PTH1R: variants seen among roughly 807,000 people sequenced by gnomAD.
PTH1R encodes parathyroid hormone 1 receptor.
Under a neutral mutation model 70.7 loss-of-function variants are expected in PTH1R, and 32 were observed. The ratio of observed to expected loss-of-function variants is 0.45; its 90% confidence interval spans 0.34 to 0.61. PTH1R has a LOEUF of 0.61. Ranked by LOEUF, PTH1R falls within the 20% of genes least tolerant of loss-of-function variation. The probability of loss-of-function intolerance (pLI) is 0.01; values close to 1 mark genes in which losing one functional copy is unlikely to be tolerated. For synonymous variants in PTH1R, 329 were observed against 324.8 expected (o/e 1.01, Z -0.14); for missense variants, 626 against 792.5 (o/e 0.79, Z 2.52).
chr3:46,892,129 A>T lies in PTH1R; in HGVS notation c.76-1778A>T, dbSNP rs2031448300. Among the ~76,000 whole-genome samples, 5 of 152,238 alleles carry T rather than the reference A, an allele frequency of 3.3e-5. No homozygotes were observed. Among genetic ancestry groups the T allele is most frequent in the Non-Finnish European group, 7.4e-5 (5 of 68,012 alleles). On this transcript the variant is annotated intron_variant, in intron 3 of 15. Transcript: ENST00000449590. The surrounding 1 kb of genome is among the most constrained non-coding windows in gnomAD (Gnocchi z 5.2). ...CCAGCTCAGCCATAGCTGGGGAAGC[A>T]AAGAGACTAGGATAGAGGAGCTTAG...
chr3:46,895,082 AAC>A lies in PTH1R; in HGVS notation c.179-651_179-650del, dbSNP rs1362808057. On this transcript the variant is annotated intron_variant, in intron 4 of 15. Coordinates refer to ENST00000449590, the MANE Select transcript of PTH1R (RefSeq NM_000316.3). ...TTGTCTCAAAAAAAAAAACAAAAAAAACAAACAAACAAAAAAAAAAAACGTCC... is the reference window on the plus strand; with the variant it reads ...TTGTCTCAAAAAAAAAAACAAAAAAAAAACAAACAAAAAAAAAAAACGTCC... Among the ~76,000 whole-genome samples the A allele has an allele frequency of 2.8e-5, 3 of 107,188 alleles. 1 individual carries two copies. Among genetic ancestry groups the A allele is most frequent in the Non-Finnish European group, 4.7e-5 (2 of 42,482 alleles). 70.3% of individuals were successfully genotyped at this position (107,188 alleles called of 152,430 possible). A position where few individuals can be genotyped will look rare whatever the true frequency, so the allele number is the denominator to read the frequency against.
At position 46,883,246 on chromosome 3, in the gene PTH1R, C is replaced by A; in HGVS notation, c.-48-266C>A. 4.1e-6 allele frequency: 1 copy of A among 246,112 alleles called. No homozygotes were observed. The highest frequency in any genetic ancestry group is 7.7e-6 in the Non-Finnish European group (1 of 129,608). The allele number at this position is 246,112 out of a possible 1,614,324, so 15.2% of individuals were successfully genotyped here. ...GGGCCCGGCCATATGGATGTGATTT[C>A]TTCGCTCCGAGGCAGACGGGCCGCT... On this transcript the variant is annotated intron_variant, in intron 2 of 15. Coordinates refer to ENST00000449590, the MANE Select transcript of PTH1R (RefSeq NM_000316.3). This position sits in a 1 kb window ranked among gnomAD's most constrained non-coding sequence, Gnocchi z 6.4.
At position 46,899,471 on chromosome 3, in the gene PTH1R, C is replaced by A; in HGVS notation, c.988+15C>A. On this transcript the variant is annotated intron_variant, in intron 10 of 15. Coordinates refer to ENST00000449590, the MANE Select transcript of PTH1R (RefSeq NM_000316.3). Reference sequence around the variant, plus strand: ...CTTCGGCTGGGGTACGCGGGCACAGCGGGTAGCGAGGTGCCGGCAGGGGTG... The same window carrying A: ...CTTCGGCTGGGGTACGCGGGCACAGAGGGTAGCGAGGTGCCGGCAGGGGTG... The A allele has an allele frequency of 6.2e-7, 1 of 1,606,538 alleles. No homozygotes were observed. Among genetic ancestry groups the A allele is most frequent in the Non-Finnish European group, 8.5e-7 (1 of 1,176,118 alleles).
intron 10 of PTH1R, 131 bp downstream of exon 10, chr3:46,899,587 G>T: frequency 8.2e-7 from 1 of 1,221,606 alleles, no homozygotes; most frequent in Non-Finnish European, 1.1e-6. Flanking sequence ...AGAGAGGCCT[G>T]CCGCCCTTCT....
intron 4 of PTH1R, among the ~76,000 whole-genome samples, chr3:46,895,106 G>A (rs1247084756): frequency 4.8e-5 from 6 of 125,418 alleles, no homozygotes; most frequent in Admixed American, 1.7e-4. Context: ...AAAAAAAAAC[G>A]TCCAGCATCT....
At position 46,892,600 on chromosome 3, in the gene PTH1R, C is replaced by T; in HGVS notation, c.76-1307C>T. On this transcript the variant is annotated intron_variant, in intron 3 of 15. Coordinates refer to ENST00000449590, the MANE Select transcript of PTH1R (RefSeq NM_000316.3). The surrounding 1 kb of genome is among the most constrained non-coding windows in gnomAD (Gnocchi z 5.2). Reference sequence around the variant, plus strand: ...CGCTGCTGCCGCCAAGAGACGCGGTCAATTAACTTCTCCCTGCAGCCAGGC... The same window carrying T: ...CGCTGCTGCCGCCAAGAGACGCGGTTAATTAACTTCTCCCTGCAGCCAGGC... 3.1e-6 allele frequency: 1 copy of T among 321,454 alleles called. No homozygotes were observed. The highest frequency in any genetic ancestry group is 4.5e-6 in the Non-Finnish European group (1 of 220,778). The allele number at this position is 321,454 out of a possible 1,614,324, so 19.9% of individuals were successfully genotyped here. A position where few individuals can be genotyped will look rare whatever the true frequency, so the allele number is the denominator to read the frequency against.
chr3:46,889,032 G>A (rs2031222146), intron 3 of PTH1R, among the ~76,000 whole-genome samples: 1 of 152,244 alleles, frequency 6.6e-6, no homozygotes, highest in Non-Finnish European at 1.5e-5. Flanking sequence ...CGGACAGAGA[G>A]AGGGCAGCAG....
In PTH1R at chr3:46,884,790, C is replaced by A. The variant is rs948526652; in HGVS notation, c.75+1156C>A. 1.3e-5 allele frequency among the ~76,000 whole-genome samples: 2 copies of A among 152,202 alleles called. No individual in the cohort carries two copies. The highest frequency in any genetic ancestry group is 6.5e-5 in the Admixed American group (1 of 15,292). On this transcript the variant is annotated intron_variant, in intron 3 of 15. Transcript: ENST00000449590. This position sits in a 1 kb window ranked among gnomAD's most constrained non-coding sequence, Gnocchi z 4.8. The stretch of plus-strand genomic sequence containing the variant: ...GATGCCTGTGTAAGCCTGGGCTGTC[C>A]TTCTCCGTGCCTCAGTTGCCCCATC...
In PTH1R at chr3:46,899,464, G is replaced by A. The variant is rs373323204; in HGVS notation, c.988+8G>A. Reference sequence around the variant, plus strand: ...TCACAGTCTTCGGCTGGGGTACGCGGGCACAGCGGGTAGCGAGGTGCCGGC... The same window carrying A: ...TCACAGTCTTCGGCTGGGGTACGCGAGCACAGCGGGTAGCGAGGTGCCGGC... On this transcript the variant is annotated splice_region_variant and intron_variant, in intron 10 of 15. Transcript: ENST00000449590. 7 of 1,609,066 alleles carry A rather than the reference G, an allele frequency of 4.4e-6. No homozygotes were observed. The highest frequency in any genetic ancestry group is 4.2e-6 in the Non-Finnish European group (5 of 1,177,774).
Position 46,893,546 on chromosome 3 carries a change from CA to C in PTH1R, c.76-360del, listed in dbSNP as rs1162049631. Among the ~76,000 whole-genome samples, 1 of 152,030 alleles carries C rather than the reference CA, an allele frequency of 6.6e-6. No individual in the cohort carries two copies. The highest frequency in any genetic ancestry group is 1.5e-5 in the Non-Finnish European group (1 of 68,000). On this transcript the variant is annotated intron_variant, in intron 3 of 15. Coordinates refer to ENST00000449590, the MANE Select transcript of PTH1R (RefSeq NM_000316.3). This position sits in a 1 kb window ranked among gnomAD's most constrained non-coding sequence, Gnocchi z 5.2. ...GCCCCCGACTCATGTCCCCAGCAGG[CA>C]GCCAGGATCCTGTGTGGATCCATCC...
In PTH1R at chr3:46,882,091, C is replaced by T. The variant is rs2030613321; in HGVS notation, c.-49+973C>T. On this transcript the variant is annotated intron_variant, in intron 2 of 15. Coordinates refer to ENST00000449590, the MANE Select transcript of PTH1R (RefSeq NM_000316.3). The surrounding 1 kb of genome is among the most constrained non-coding windows in gnomAD (Gnocchi z 4.3). Reference sequence around the variant, plus strand: ...GCACTCACATCCCGCCGCCGTAAGACTCCGGGCCTCGGCCTCTAGCGCAAT... The same window carrying T: ...GCACTCACATCCCGCCGCCGTAAGATTCCGGGCCTCGGCCTCTAGCGCAAT... 6.6e-6 allele frequency: 1 copy of T among 152,176 alleles called. No homozygotes were observed. 9.4% of individuals were successfully genotyped at this position (152,176 alleles called of 1,614,324 possible). A position where few individuals can be genotyped will look rare whatever the true frequency, so the allele number is the denominator to read the frequency against.
intron 3 of PTH1R, among the ~76,000 whole-genome samples, chr3:46,887,766 A>G (rs1487308118): frequency 6.6e-6 from 1 of 152,216 alleles, no homozygotes; most frequent in Non-Finnish European, 1.5e-5. Flanking sequence ...CATTTCAGTA[A>G]ATATGAATCT....
At chr3:46,888,626 A>C (rs1403480212) in intron 3 of PTH1R, among the ~76,000 whole-genome samples, 1 of 152,250 alleles carries the variant, frequency 6.6e-6, no homozygotes, top group Non-Finnish European at 1.5e-5. Context: ...TTGCAGAAAC[A>C]TCAGAGACCT....
intron 4 of PTH1R, 94 bp downstream of exon 4, chr3:46,894,103 C>A: frequency 7.5e-7 from 1 of 1,339,984 alleles, no homozygotes; most frequent in Non-Finnish European, 1.1e-6. Context: ...GGTGAAGGCT[C>A]TCTGTGGGGG....
rs190822717 is a variant in PTH1R, at chr3:46,902,417, C to T, written c.1212-109C>T. 237 of 1,461,022 alleles carry T rather than the reference C, an allele frequency of 1.6e-4. No individual in the cohort carries two copies. In the African/African-American group the frequency reaches 3.0e-3, roughly 18 times the overall value. 90.5% of individuals were successfully genotyped at this position (1,461,022 alleles called of 1,614,324 possible). On this transcript the variant is annotated intron_variant, in intron 13 of 15. Coordinates refer to ENST00000449590, the MANE Select transcript of PTH1R (RefSeq NM_000316.3). The surrounding 1 kb of genome is among the most constrained non-coding windows in gnomAD (Gnocchi z 5.4). ...TTGTCCTCCCATGGTGACTGGAGCC[C>T]TGGGCCCCTTTGAGCTTCCGGAGCC...
chr3:46,898,958 C>A, intron 9 of PTH1R, 101 bp downstream of exon 9: 1 of 880,994 alleles, frequency 1.1e-6, no homozygotes, highest in African/African-American at 1.7e-5. Context: ...CCGCCTCCTG[C>A]CAGCGCCACT....
chr3:46,898,829 C>T lies in PTH1R; in HGVS notation c.806C>T (p.Pro269Leu), dbSNP rs764582857. ...CTGCGCGCCATCGCCCAGGCGCCCC[C>T]GCCGCCTGCCACCGCCGCTGCCGGC... ...EELRAIAQAP[P>L]PPATAAAGYA... Residue 269 changes from proline (P) to leucine (L), a missense_variant, in exon 9 of 16, where the codon CCG (proline) becomes CTG (leucine). Around this residue, in one of 3 missense-constraint regions of PTH1R, gnomAD observed 495 missense variants for 638.7 expected, o/e 0.77. Transcript: ENST00000449590. The T allele has an allele frequency of 1.9e-5, 30 of 1,560,112 alleles. No individual in the cohort carries two copies. Among genetic ancestry groups the T allele is most frequent in the Admixed American group, 1.6e-4 (9 of 54,898 alleles).
rs749529238 is a variant in PTH1R, at chr3:46,901,834, C to T, written c.1185C>T (p.Gly395=). The change falls in exon 13 of 16, where the codon GGC becomes GGT. Residue 395 remains glycine, a synonymous_variant. Transcript: ENST00000449590. The surrounding 1 kb of genome is among the most constrained non-coding windows in gnomAD (Gnocchi z 7.3). ...CCAAGCTGCGGGAGACCAACGCCGG[C>T]CGGTGTGACACACGGCAGCAGTACC... ...LATKLRETNA[G]RCDTRQQYRK... is the part of the protein sequence containing the mutation. The T allele has an allele frequency of 1.2e-6, 2 of 1,613,972 alleles. No homozygotes were observed. The highest frequency in any genetic ancestry group is 2.2e-5 in the South Asian group (2 of 91,086).
rs2030844936 is a variant in PTH1R, at chr3:46,883,942, G to C, written c.75+308G>C. On this transcript the variant is annotated intron_variant, in intron 3 of 15. Coordinates refer to ENST00000449590, the MANE Select transcript of PTH1R (RefSeq NM_000316.3). This position sits in a 1 kb window ranked among gnomAD's most constrained non-coding sequence, Gnocchi z 6.4. ...GTTTCTCCCTGGAAGATGACAGTGT[G>C]ACCCAACAGAAGGCTGGGCTTTGGC... 6.6e-6 allele frequency among the ~76,000 whole-genome samples: 1 copy of C among 152,204 alleles called. No individual in the cohort carries two copies. The highest frequency in any genetic ancestry group is 1.5e-5 in the Non-Finnish European group (1 of 68,040).
Sources: allele counts gnomAD v4.1 joint callset (sites outside exome capture counted in the v4.1 genomes callset), GRCh38; gene constraint gnomAD v4.1.1; regional missense constraint gnomAD v4.1.1; non-coding constraint Gnocchi (gnomAD v3.1); transcripts MANE v1.5; gene names NCBI Gene and HGNC (gene_info 2026-07-23, HGNC 2026-07-21).